Variants in IRS1 observed in about 807,000 individuals in gnomAD.
IRS1 encodes the protein insulin receptor substrate 1.
IRS1 carries 34 observed loss-of-function variants against 65.6 expected under a neutral mutation model. The observed-to-expected ratio is 0.52, with a 90% CI of 0.39 to 0.69. IRS1 has a LOEUF of 0.69. IRS1 is among the 30% of genes least tolerant of loss of function. IRS1 has a pLI of 0.00. For missense variants in IRS1, 1,641 were observed against 1,720.2 expected (o/e 0.95, Z 0.81); for synonymous variants, 699 against 683.5 (o/e 1.02, Z -0.35).
intron 1 of IRS1, among the ~76,000 whole-genome samples, chr2:226,766,160 TA>T (rs1250176748): frequency 9.8e-5 from 2 of 20,462 alleles, no homozygotes; most frequent in African/African-American, 1.6e-4. Context: ...TATATATATA[TA>T]TATTTTTTTT....
At position 226,796,275 on chromosome 2, in the gene IRS1, C is replaced by T. The variant is rs201428023; in HGVS notation, c.2464G>A (p.Gly822Arg). ...GGAAGGCTGGGCTCCAGCCTAGCCCCGCAGTATCCCCCACCCAGGCTGTCG... is the reference window on the plus strand; with the variant it reads ...GGAAGGCTGGGCTCCAGCCTAGCCCTGCAGTATCCCCCACCCAGGCTGTCG... ...SSDSLGGGYC[G>R]ARLEPSLPHP... The change falls in exon 1 of 2, where the codon GGG becomes AGG. Residue 822 changes from glycine (G) to arginine (R), a missense_variant. Around this residue, in one of 3 missense-constraint regions of IRS1, gnomAD observed 1,324 missense variants for 1,361.0 expected, o/e 0.97. Coordinates refer to ENST00000305123, the MANE Select transcript of IRS1 (RefSeq NM_005544.3). 2.0e-5 allele frequency: 33 copies of T among 1,613,398 alleles called. No individual in the cohort carries two copies. Among genetic ancestry groups the T allele is most frequent in the Middle Eastern group, 1.6e-4 (1 of 6,080 alleles).
At position 226,733,068 on chromosome 2, in the gene IRS1, C is replaced by T. The variant is rs1050912202; in HGVS notation, c.*3204G>A. 2 of 152,144 alleles carry T rather than the reference C, an allele frequency of 1.3e-5. No individual in the cohort carries two copies. Among genetic ancestry groups the T allele is most frequent in the Admixed American group, 6.5e-5 (1 of 15,274 alleles). 9.4% of individuals were successfully genotyped at this position (152,144 alleles called of 1,614,324 possible). A position where few individuals can be genotyped will look rare whatever the true frequency, so the allele number is the denominator to read the frequency against. On this transcript the variant is annotated 3_prime_UTR_variant, in exon 2 of 2. Coordinates refer to ENST00000305123, the MANE Select transcript of IRS1 (RefSeq NM_005544.3). ...AGTGGATGGTGAAACCCTTTCCCCC[C>T]TTTTTTTAACCACCTGCAGTAAATA...
intron 1 of IRS1, among the ~76,000 whole-genome samples, chr2:226,772,768 A>G (rs890125082): frequency 6.6e-6 from 1 of 152,180 alleles, no homozygotes; most frequent in African/African-American, 2.4e-5. Flanking sequence ...ACTGAAACCT[A>G]AAGCTTATCA....
chr2:226,787,417 G>T (rs950591577), intron 1 of IRS1, among the ~76,000 whole-genome samples: 3 of 152,094 alleles, frequency 2.0e-5, no homozygotes, highest in Non-Finnish European at 4.4e-5. Flanking sequence ...CTACACAATC[G>T]GAATCTTGAT....
At chr2:226,744,894 C>T (rs1012124763) in intron 1 of IRS1, among the ~76,000 whole-genome samples, 1 of 151,676 alleles carries the variant, frequency 6.6e-6, no homozygotes, top group East Asian at 1.9e-4. Context: ...AGGGGGAAAA[C>T]GTTGAGAAGA....
chr2:226,749,948 C>T (rs1157042880), intron 1 of IRS1, among the ~76,000 whole-genome samples: 1 of 152,046 alleles, frequency 6.6e-6, no homozygotes, highest in Non-Finnish European at 1.5e-5. Flanking sequence ...GTATTGTTGA[C>T]TTAGAAGCAT....
chr2:226,770,800 C>A (rs1939148700), intron 1 of IRS1, among the ~76,000 whole-genome samples: 1 of 152,146 alleles, frequency 6.6e-6, no homozygotes. Flanking sequence ...TCATCTTAAC[C>A]AAGTTACTTA....
At chr2:226,751,519 G>A (rs1236415911) in intron 1 of IRS1, among the ~76,000 whole-genome samples, 2 of 152,078 alleles carry the variant, frequency 1.3e-5, no homozygotes, top group East Asian at 1.9e-4. Flanking sequence ...TCCTAACCTC[G>A]TGATCTGCCC....
At chr2:226,780,429 A>G (rs1939358696) in intron 1 of IRS1, among the ~76,000 whole-genome samples, 1 of 152,224 alleles carries the variant, frequency 6.6e-6, no homozygotes, top group Non-Finnish European at 1.5e-5. Context: ...AAATTAAATT[A>G]AAATAGAGGT....
intron 1 of IRS1, among the ~76,000 whole-genome samples, chr2:226,761,759 C>T (rs1938917510): frequency 6.8e-6 from 1 of 146,192 alleles, no homozygotes. Context: ...TGGAAGAGTT[C>T]CCTAACATAA....
chr2:226,741,759 A>C (rs1257693747), intron 1 of IRS1, among the ~76,000 whole-genome samples: 2 of 150,188 alleles, frequency 1.3e-5, no homozygotes, highest in Non-Finnish European at 1.5e-5. Flanking sequence ...CATTCAGCAT[A>C]CCTGAATCTG....
In IRS1 at chr2:226,797,891, G is replaced by A; in HGVS notation, c.848C>T (p.Pro283Leu). ...ATTGTTGAGATGGTGCCGGCGCAGG[G>A]GGACGCTGATGGGGTTAGAGCAGTT... Reference protein sequence around the residue: ...SSNCSNPISVPLRRHHLNNPP... With the variant: ...SSNCSNPISVLLRRHHLNNPP... Residue 283 changes from proline to leucine, a missense_variant, in exon 1 of 2, where the codon CCC (proline) becomes CTC (leucine). Pro to Leu is a moderately conservative substitution (Grantham distance 98, BLOSUM62 -3). Coordinates refer to ENST00000305123, the MANE Select transcript of IRS1 (RefSeq NM_005544.3). The surrounding 1 kb of genome is among the most constrained non-coding windows in gnomAD (Gnocchi z 8.1). The A allele has an allele frequency of 1.2e-6, 2 of 1,611,642 alleles. No individual in the cohort carries two copies. Among genetic ancestry groups the A allele is most frequent in the Non-Finnish European group, 1.7e-6 (2 of 1,178,752 alleles).
Position 226,799,477 on chromosome 2 carries a change from A to C in IRS1, c.-739T>G. On this transcript the variant is annotated 5_prime_UTR_variant, in exon 1 of 2. Transcript: ENST00000305123. This position sits in a 1 kb window ranked among gnomAD's most constrained non-coding sequence, Gnocchi z 6.1. Reference sequence around the variant, plus strand: ...AAGTGGCTTTTCCATGCGAAACGATACCGGGCAGCCACTGCAGCTGGGGAC... The same window carrying C: ...AAGTGGCTTTTCCATGCGAAACGATCCCGGGCAGCCACTGCAGCTGGGGAC... 2 of 1,168,948 alleles carry C rather than the reference A, an allele frequency of 1.7e-6. No homozygotes were observed. Among genetic ancestry groups the C allele is most frequent in the Non-Finnish European group, 1.1e-6 (1 of 923,492 alleles). The allele number at this position is 1,168,948 out of a possible 1,614,324, so 72.4% of individuals were successfully genotyped here.
intron 1 of IRS1, among the ~76,000 whole-genome samples, chr2:226,741,843 T>C (rs944954713): frequency 4.2e-5 from 6 of 143,226 alleles, no homozygotes; most frequent in Non-Finnish European, 9.2e-5. Context: ...CACACACACA[T>C]ATTATCATCA....
chr2:226,764,275 G>T (rs1470553498), intron 1 of IRS1, among the ~76,000 whole-genome samples: 1 of 152,140 alleles, frequency 6.6e-6, no homozygotes, highest in Non-Finnish European at 1.5e-5. Context: ...CAGGAACAGT[G>T]GCTCATATCT....
chr2:226,772,637 T>A (rs1939186401), intron 1 of IRS1, among the ~76,000 whole-genome samples: 1 of 142,490 alleles, frequency 7.0e-6, no homozygotes, highest in African/African-American at 2.7e-5. Context: ...ACAGGAAAAA[T>A]GATGCTGGTA....
Position 226,799,037 on chromosome 2 carries a change from G to T in IRS1, c.-299C>A, listed in dbSNP as rs1939830840. 17 of 1,367,236 alleles carry T rather than the reference G, an allele frequency of 1.2e-5. No individual in the cohort carries two copies. The highest frequency in any genetic ancestry group is 1.2e-5 in the Non-Finnish European group (13 of 1,051,594). The allele number at this position is 1,367,236 out of a possible 1,614,324, so 84.7% of individuals were successfully genotyped here. On this transcript the variant is annotated 5_prime_UTR_variant, in exon 1 of 2. Transcript: ENST00000305123. The surrounding 1 kb of genome is among the most constrained non-coding windows in gnomAD (Gnocchi z 6.1). ...CCGAGAGCCAAGTCTCCTCTCAGCC[G>T]CCGCCGCCACCAGGAAGGAGCGAAG...
chr2:226,762,608 A>G (rs1938938145), intron 1 of IRS1, among the ~76,000 whole-genome samples: 1 of 152,182 alleles, frequency 6.6e-6, no homozygotes, highest in African/African-American at 2.4e-5. Context: ...ACATAAAGAA[A>G]TGGGTGTTCC....
chr2:226,762,359 A>G (rs1467261344), intron 1 of IRS1, among the ~76,000 whole-genome samples: 2 of 43,382 alleles, frequency 4.6e-5, no homozygotes, highest in Non-Finnish European at 3.2e-4. Flanking sequence ...TAAAAATGCA[A>G]AAAAAAAAAA....
Sources: allele counts gnomAD v4.1 joint callset (sites outside exome capture counted in the v4.1 genomes callset), GRCh38; gene constraint gnomAD v4.1.1; regional missense constraint gnomAD v4.1.1; non-coding constraint Gnocchi (gnomAD v3.1); transcripts MANE v1.5; gene names NCBI Gene and HGNC (gene_info 2026-07-23, HGNC 2026-07-21).